Variants in RASGRP3 observed in about 807,000 individuals in gnomAD.
RASGRP3 encodes the protein RAS guanyl releasing protein 3, also known as ras guanyl-releasing protein 3.
RASGRP3 carries 54 observed loss-of-function variants against 82.7 expected under a neutral mutation model. That is an observed-to-expected ratio of 0.65 (90% confidence interval 0.52 to 0.82). RASGRP3 has a LOEUF of 0.82. RASGRP3 is among the 40% of genes least tolerant of loss of function. The pLI is 0.00. For missense variants in RASGRP3, 861 were observed against 828.9 expected, an observed-to-expected ratio of 1.04 and a Z score of -0.48; for synonymous variants, 309 against 300.5, an observed-to-expected ratio of 1.03 and a Z score of -0.29.
chr2:33,484,651 C>T (rs900815138), intron 1 of RASGRP3, among the ~76,000 whole-genome samples: 14 of 152,114 alleles, frequency 9.2e-5, no homozygotes, highest in African/African-American at 3.4e-4. Flanking sequence ...CCATCTCTTT[C>T]TACTTTCCTT....
At chr2:33,521,897 C>T in intron 6 of RASGRP3, 58 bp from the exon 7 acceptor site, 1 of 1,553,976 alleles carries the variant, frequency 6.4e-7, no homozygotes, top group Non-Finnish European at 8.7e-7. Context: ...AGGTTAATAA[C>T]TTCCATTGAG....
At chr2:33,514,505 C>CAAAAAAAAA (rs3083005) in intron 2 of RASGRP3, among the ~76,000 whole-genome samples, 2 of 60,658 alleles carry the variant, frequency 3.3e-5, no homozygotes, top group Non-Finnish European at 5.5e-5. Flanking sequence ...CCCATCTCTA[C>CAAAAAAAAA]AAAAAAAAAA....
intron 1 of RASGRP3, among the ~76,000 whole-genome samples, chr2:33,508,375 A>G (rs1207370098): frequency 2.0e-5 from 3 of 152,154 alleles, no homozygotes; most frequent in Non-Finnish European, 4.4e-5. Flanking sequence ...ATATTGGAGG[A>G]AGAGGCAGAA....
chr2:33,449,540 C>A (rs989030794), intron 2 of RASGRP3, among the ~76,000 whole-genome samples: 2 of 151,960 alleles, frequency 1.3e-5, no homozygotes, highest in African/African-American at 4.8e-5. Context: ...GGGGGGCAGA[C>A]CATGAGGTCA....
In RASGRP3 at chr2:33,527,279, C is replaced by T; in HGVS notation, c.950C>T (p.Pro317Leu). 1 of 1,613,962 alleles carries T rather than the reference C, an allele frequency of 6.2e-7. No individual in the cohort carries two copies. The highest frequency in any genetic ancestry group is 8.5e-7 in the Non-Finnish European group (1 of 1,179,866). The change falls in exon 10 of 18, where the codon CCA (proline) becomes CTA (leucine). Residue 317 changes from proline (P) to leucine (L), a missense_variant. By Grantham distance (98) the Pro-to-Leu change is moderately conservative. Coordinates refer to ENST00000403687, the MANE Select transcript of RASGRP3 (RefSeq NM_001139488.2). The part of the protein sequence containing the change: ...KDLIAVHVIF[P>L]DWTEENKVNI... ...TTGATAGCTGTCCATGTCATTTTCC[C>T]AGACTGGACAGAGGAGAACAAAGTG...
chr2:33,535,178 C>T (rs1673481806), intron 11 of RASGRP3, among the ~76,000 whole-genome samples: 1 of 152,192 alleles, frequency 6.6e-6, no homozygotes, highest in African/African-American at 2.4e-5. Context: ...TTGGATGTCA[C>T]ATTGGATGGT....
At chr2:33,558,386 C>T (rs1451084154) in intron 16 of RASGRP3, 50 bp downstream of exon 16, 1 of 1,610,862 alleles carries the variant, frequency 6.2e-7, no homozygotes, top group Non-Finnish European at 8.5e-7. Context: ...TGCTTGCCTC[C>T]TCACACTTGG....
At chr2:33,516,030 C>CTA (rs1458152543) in intron 3 of RASGRP3, among the ~76,000 whole-genome samples, 2 of 152,176 alleles carry the variant, frequency 1.3e-5, no homozygotes, top group Non-Finnish European at 2.9e-5. Context: ...CTGAATTTTA[C>CTA]TAAAACTGTC....
chr2:33,460,654 A>G (rs1448401799), intron 2 of RASGRP3, among the ~76,000 whole-genome samples: 3 of 151,832 alleles, frequency 2.0e-5, no homozygotes, highest in Non-Finnish European at 4.4e-5. Flanking sequence ...AGCTGGGACT[A>G]CAGGCACAAG....
chr2:33,496,319 C>T (rs761062328), intron 1 of RASGRP3, among the ~76,000 whole-genome samples: 76 of 152,306 alleles, frequency 5.0e-4, no homozygotes, highest in Non-Finnish European at 9.0e-4. Context: ...GCATTTCATT[C>T]CTATAACATC....
chr2:33,560,748 TGGCGCCCACCTTGTG>T (rs1291442141), intron 17 of RASGRP3, among the ~76,000 whole-genome samples: 1 of 152,226 alleles, frequency 6.6e-6, no homozygotes, highest in Non-Finnish European at 1.5e-5. Flanking sequence ...GTGCTCAGGA[TGGCGCCCACCTTGTG>T]GGCATCTCTG....
At chr2:33,490,615 C>T (rs539430587) in intron 1 of RASGRP3, among the ~76,000 whole-genome samples, 2 of 152,334 alleles carry the variant, frequency 1.3e-5, no homozygotes, top group East Asian at 1.9e-4. Context: ...TGCTCCTCCT[C>T]CCCTCTCTGA....
chr2:33,520,612 C>G lies in RASGRP3; in HGVS notation c.296C>G (p.Thr99Ser). The change falls in exon 6 of 18, where the codon ACT becomes AGT. Residue 99 changes from threonine (T) to serine (S), a missense_variant. Physicochemically the swap from Thr to Ser is moderately conservative, Grantham distance 58. Coordinates refer to ENST00000403687, the MANE Select transcript of RASGRP3 (RefSeq NM_001139488.2). ...FNLDLGLIRM[T>S]EEFREVASQL... ...TTGGATCTTGGTTTGATTCGTATGACTGAGGAATTTCGGGAAGTAGCTAGT... is the reference window on the plus strand; with the variant it reads ...TTGGATCTTGGTTTGATTCGTATGAGTGAGGAATTTCGGGAAGTAGCTAGT... 1 of 1,613,964 alleles carries G rather than the reference C, an allele frequency of 6.2e-7. No individual in the cohort carries two copies. The highest frequency in any genetic ancestry group is 8.5e-7 in the Non-Finnish European group (1 of 1,179,862).
chr2:33,562,511 T>G (rs1676786555), intron 17 of RASGRP3, among the ~76,000 whole-genome samples: 1 of 152,078 alleles, frequency 6.6e-6, no homozygotes, highest in South Asian at 2.1e-4. Flanking sequence ...CCTCAAGTGA[T>G]CCTCCCACCT....
intron 1 of RASGRP3, among the ~76,000 whole-genome samples, chr2:33,508,814 T>C (rs1392576593): frequency 6.6e-6 from 1 of 152,234 alleles, no homozygotes; most frequent in Non-Finnish European, 1.5e-5. Context: ...GGAAGTTTAG[T>C]GTTCCTTGCT....
chr2:33,536,790 G>C (rs752635658), intron 11 of RASGRP3, among the ~76,000 whole-genome samples: 1 of 152,124 alleles, frequency 6.6e-6, no homozygotes, highest in Admixed American at 6.6e-5. Flanking sequence ...TGAGACTTGC[G>C]ACAGAGGTGT....
intron 12 of RASGRP3, 162 bp downstream of exon 12, chr2:33,539,372 G>A: frequency 1.7e-6 from 1 of 588,196 alleles, no homozygotes; most frequent in Non-Finnish European, 3.1e-6. Context: ...TTGGGTCCTG[G>A]GGAGAGTCGA....
chr2:33,517,748 C>G (rs886663274), intron 4 of RASGRP3, among the ~76,000 whole-genome samples: 4 of 152,142 alleles, frequency 2.6e-5, no homozygotes, highest in African/African-American at 9.7e-5. Context: ...TCCTGACAAC[C>G]TAGACATTGT....
intron 10 of RASGRP3, among the ~76,000 whole-genome samples, chr2:33,529,770 GGTT>G (rs1478310405): frequency 6.6e-6 from 1 of 151,856 alleles, no homozygotes; most frequent in Non-Finnish European, 1.5e-5. Context: ...TTTAAACAAG[GGTT>G]TTATGCTCAT....
Sources: allele counts gnomAD v4.1 joint callset (sites outside exome capture counted in the v4.1 genomes callset), GRCh38; gene constraint gnomAD v4.1.1; transcripts MANE v1.5; gene names NCBI Gene and HGNC (gene_info 2026-07-23, HGNC 2026-07-21).